Variants in CRPPA observed in about 807,000 individuals in gnomAD.
The protein encoded by CRPPA is D-ribitol-5-phosphate cytidylyltransferase.
In CRPPA, 43 loss-of-function variants were observed where a neutral mutation model predicts 52.0. The observed-to-expected ratio is 0.83, with a 90% CI of 0.65 to 1.07. The LOEUF is 1.07. CRPPA is among the 50% of genes least tolerant of loss of function. The pLI, the probability that CRPPA is intolerant of heterozygous loss-of-function variation, is 0.00. For missense variants in CRPPA, 629 were observed against 551.7 expected (o/e 1.14, Z -1.40); for synonymous variants, 250 against 203.5 (o/e 1.23, Z -1.94).
At chr7:16,365,684 G>A (rs10280281) in intron 3 of CRPPA, among the ~76,000 whole-genome samples, 127,056 of 152,146 alleles carry the variant, frequency 0.84, 53,718 homozygotes, top group Non-Finnish European at 0.91. Context: ...AAACAAACTT[G>A]AGGCCTAAGT....
intron 6 of CRPPA, among the ~76,000 whole-genome samples, chr7:16,274,907 A>G (rs76453672): frequency 0.012 from 1,808 of 152,204 alleles, 32 homozygotes; most frequent in African/African-American, 0.041. Flanking sequence ...AAAAACAGAA[A>G]AAGCAAGGAG....
At chr7:16,368,133 G>T (rs897586571) in intron 3 of CRPPA, among the ~76,000 whole-genome samples, 11 of 152,130 alleles carry the variant, frequency 7.2e-5, no homozygotes, top group Non-Finnish European at 1.2e-4. Flanking sequence ...ATTTTAAAAA[G>T]CTTCTTTGTA....
At chr7:16,192,982 G>A (rs576333431) in intron 9 of CRPPA, among the ~76,000 whole-genome samples, 1 of 152,102 alleles carries the variant, frequency 6.6e-6, no homozygotes, top group African/African-American at 2.4e-5. Flanking sequence ...AAATCAGTTG[G>A]TATGAGTCAC....
chr7:16,232,891 C>T (rs1165657809), intron 8 of CRPPA, among the ~76,000 whole-genome samples: 1 of 151,966 alleles, frequency 6.6e-6, no homozygotes, highest in Non-Finnish European at 1.5e-5. Context: ...AAAACCAACC[C>T]AACTGACACC....
At chr7:16,281,472 T>A (rs964328209) in intron 5 of CRPPA, among the ~76,000 whole-genome samples, 2 of 152,214 alleles carry the variant, frequency 1.3e-5, no homozygotes, top group Non-Finnish European at 2.9e-5. Context: ...TGATAAAGTT[T>A]TATTTCTTTC....
chr7:16,248,580 G>A, intron 8 of CRPPA, among the ~76,000 whole-genome samples: 1 of 152,152 alleles, frequency 6.6e-6, no homozygotes. Flanking sequence ...AAAATATTGG[G>A]AAATAGTGAG....
intron 6 of CRPPA, chr7:16,269,759 G>A (rs1016870633): frequency 2.0e-5 from 3 of 152,074 alleles, no homozygotes; most frequent in Non-Finnish European, 4.4e-5. Context: ...TAGAACAACA[G>A]AATAACCTAC....
chr7:16,390,376 C>G (rs907900943), intron 2 of CRPPA, among the ~76,000 whole-genome samples: 8 of 152,130 alleles, frequency 5.3e-5, no homozygotes, highest in Non-Finnish European at 8.8e-5. Context: ...CAATTTCTGT[C>G]TTCCTATGCT....
At chr7:16,382,044 C>T (rs1200472109) in intron 2 of CRPPA, among the ~76,000 whole-genome samples, 9 of 151,646 alleles carry the variant, frequency 5.9e-5, no homozygotes, top group East Asian at 1.9e-4. Flanking sequence ...ATGATGTTAG[C>T]TGGTGATTTT....
At chr7:16,312,681 G>A (rs1207636865) in intron 3 of CRPPA, among the ~76,000 whole-genome samples, 1 of 151,932 alleles carries the variant, frequency 6.6e-6, no homozygotes, top group Non-Finnish European at 1.5e-5. Context: ...TACCAGGAAA[G>A]CTCTTGATTT....
At chr7:16,250,445 A>G (rs1783415082) in intron 8 of CRPPA, among the ~76,000 whole-genome samples, 1 of 152,164 alleles carries the variant, frequency 6.6e-6, no homozygotes, top group African/African-American at 2.4e-5. Context: ...GGTTGAAATG[A>G]AGGAAAAAAG....
intron 3 of CRPPA, among the ~76,000 whole-genome samples, chr7:16,351,241 C>T (rs1786142905): frequency 6.6e-6 from 1 of 152,056 alleles, no homozygotes; most frequent in African/African-American, 2.4e-5. Context: ...CTTCTTTAAA[C>T]CTTACACAAA....
chr7:16,342,798 T>TAGATATAGATATATAGATATA (rs1491461185), intron 3 of CRPPA, among the ~76,000 whole-genome samples: 8 of 101,254 alleles, frequency 7.9e-5, no homozygotes, highest in African/African-American at 3.3e-4. Context: ...TATATATATA[T>TAGATATAGATATATAGATATA]CTATATAGAT....
intron 5 of CRPPA, among the ~76,000 whole-genome samples, chr7:16,285,947 G>A (rs758134287): frequency 5.9e-5 from 8 of 135,796 alleles, no homozygotes; most frequent in Non-Finnish European, 1.1e-4. Flanking sequence ...TTGAACCTGG[G>A]AGGCAGAGAT....
At chr7:16,288,470 T>G (rs1158165319) in intron 5 of CRPPA, among the ~76,000 whole-genome samples, 1 of 151,866 alleles carries the variant, frequency 6.6e-6, no homozygotes, top group African/African-American at 2.4e-5. Context: ...AAGCTGATGA[T>G]GCAACCCAAA....
chr7:16,286,095 A>ATATATATAT (rs1554309930), intron 5 of CRPPA, among the ~76,000 whole-genome samples: 3 of 26,518 alleles, frequency 1.1e-4, no homozygotes, highest in African/African-American at 1.0e-3. Context: ...TTTAAAAAAA[A>ATATATATAT]AAATATATAT....
chr7:16,376,302 G>T, intron 2 of CRPPA, 61 bp from the exon 3 acceptor site: 1 of 1,500,032 alleles, frequency 6.7e-7, no homozygotes, highest in Non-Finnish European at 9.0e-7. Context: ...GTGAAATTCT[G>T]AATTCAGTAT....
At chr7:16,282,786 G>T (rs1295502198) in intron 5 of CRPPA, among the ~76,000 whole-genome samples, 1 of 151,934 alleles carries the variant, frequency 6.6e-6, no homozygotes, top group Non-Finnish European at 1.5e-5. Context: ...TTATTGTGTT[G>T]GTTTCTATAT....
intron 8 of CRPPA, among the ~76,000 whole-genome samples, chr7:16,218,338 T>A (rs1272141106): frequency 8.4e-3 from 993 of 117,844 alleles, no homozygotes; most frequent in East Asian, 0.021. Context: ...TGCAAAATCA[T>A]GCCAAAATGT....
Sources: allele counts gnomAD v4.1 joint callset (sites outside exome capture counted in the v4.1 genomes callset), GRCh38; gene constraint gnomAD v4.1.1; transcripts MANE v1.5; gene names NCBI Gene and HGNC (gene_info 2026-07-23, HGNC 2026-07-21).